UBE2F: variants seen among roughly 807,000 people sequenced by gnomAD.
The protein encoded by UBE2F is ubiquitin conjugating enzyme E2 F (putative).
UBE2F carries 5 observed loss-of-function variants against 29.6 expected under a neutral mutation model. That is an observed-to-expected ratio of 0.17 (90% CI 0.09 to 0.36). The LOEUF (loss-of-function observed/expected upper bound fraction) is 0.36, where lower values mean the gene tolerates loss of function less well. Ranked by LOEUF, UBE2F falls within the 10% of genes least tolerant of loss-of-function variation. The probability of loss-of-function intolerance (pLI) is 1.00; values close to 1 mark genes in which losing one functional copy is unlikely to be tolerated. For synonymous variants in UBE2F, 66 were observed against 81.8 expected, an observed-to-expected ratio of 0.81 and a Z score of 1.04; for missense variants, 141 against 228.5, an observed-to-expected ratio of 0.62 and a Z score of 2.47.
intron 2 of UBE2F, among the ~76,000 whole-genome samples, chr2:237,978,597 A>G (rs2063327776): frequency 6.6e-6 from 1 of 152,116 alleles, no homozygotes; most frequent in African/African-American, 2.4e-5. Context: ...CCACACCCAC[A>G]TTTCCTCAGC....
At chr2:238,011,913 C>G (rs912321967) in intron 4 of UBE2F, among the ~76,000 whole-genome samples, 2 of 152,238 alleles carry the variant, frequency 1.3e-5, no homozygotes, top group South Asian at 4.1e-4. Context: ...GGGTCTCACT[C>G]TGTTGCCCAG....
rs898528823 is a variant in UBE2F, at chr2:238,042,370, C to G, written c.*1032C>G. 2 of 152,272 alleles carry G rather than the reference C, an allele frequency of 1.3e-5. No individual in the cohort carries two copies. The highest frequency in any genetic ancestry group is 2.9e-5 in the Non-Finnish European group (2 of 68,064). The allele number at this position is 152,272 out of a possible 1,614,324, so 9.4% of individuals were successfully genotyped here. A position where few individuals can be genotyped will look rare whatever the true frequency, so the allele number is the denominator to read the frequency against. The stretch of plus-strand genomic sequence containing the variant: ...AGCCCAATGTCTGATGTCACTGAGA[C>G]TGTACCTGTGGCCTTCTTCTGAGTT... On this transcript the variant is annotated 3_prime_UTR_variant, in exon 10 of 10. Transcript: ENST00000272930.
chr2:238,001,793 C>T (rs2063799178), intron 4 of UBE2F, among the ~76,000 whole-genome samples: 2 of 151,984 alleles, frequency 1.3e-5, no homozygotes, highest in South Asian at 2.1e-4. Flanking sequence ...GCACTCCAGC[C>T]TGGGCGACAG....
intron 5 of UBE2F, among the ~76,000 whole-genome samples, chr2:238,023,783 C>T (rs2064349206): frequency 6.6e-6 from 1 of 152,066 alleles, no homozygotes; most frequent in African/African-American, 2.4e-5. Flanking sequence ...GAGAAGAGGC[C>T]CTCTCCCTTA....
chr2:237,972,428 G>A (rs769136067), intron 1 of UBE2F, among the ~76,000 whole-genome samples: 3 of 152,176 alleles, frequency 2.0e-5, no homozygotes, highest in Admixed American at 6.5e-5. Context: ...CATGCTGGTT[G>A]AGAAACTGTG....
intron 5 of UBE2F, among the ~76,000 whole-genome samples, chr2:238,018,967 T>A (rs1276181007): frequency 6.6e-6 from 1 of 152,114 alleles, no homozygotes; most frequent in African/African-American, 2.4e-5. Context: ...TGAAGACTTG[T>A]TTCCCTTATT....
intron 2 of UBE2F, among the ~76,000 whole-genome samples, chr2:237,987,343 G>C (rs1218005403): frequency 6.6e-6 from 1 of 152,050 alleles, no homozygotes; most frequent in African/African-American, 2.4e-5. Flanking sequence ...TTTCTTTCTA[G>C]TTTGGATGCC....
At chr2:238,035,149 C>G (rs558331519) in intron 8 of UBE2F, 1 of 152,564 alleles carries the variant, frequency 6.6e-6, no homozygotes, top group South Asian at 2.1e-4. Flanking sequence ...ATCTCAGCCT[C>G]TCAAAGTGCT....
intron 4 of UBE2F, among the ~76,000 whole-genome samples, chr2:238,006,913 A>T: frequency 6.6e-6 from 1 of 151,514 alleles, no homozygotes; most frequent in Non-Finnish European, 1.5e-5. Flanking sequence ...GCACCACCAC[A>T]CCCGGCTAAT....
At chr2:238,006,413 T>C (rs1045724137) in intron 4 of UBE2F, among the ~76,000 whole-genome samples, 3 of 152,196 alleles carry the variant, frequency 2.0e-5, no homozygotes, top group African/African-American at 7.2e-5. Context: ...CCATATCAAT[T>C]GTCATCTTAA....
intron 5 of UBE2F, among the ~76,000 whole-genome samples, chr2:238,022,833 C>T (rs1254384579): frequency 6.6e-6 from 1 of 152,044 alleles, no homozygotes; most frequent in Non-Finnish European, 1.5e-5. Flanking sequence ...AGCTGTGGGC[C>T]ACTGGGGTTG....
chr2:237,989,518 A>G (rs1371800625), intron 3 of UBE2F, among the ~76,000 whole-genome samples: 2 of 151,788 alleles, frequency 1.3e-5, no homozygotes, highest in Non-Finnish European at 2.9e-5. Flanking sequence ...ACGCCAGGCT[A>G]ATTTTTGTAT....
intron 6 of UBE2F, among the ~76,000 whole-genome samples, chr2:238,029,354 C>T (rs946459376): frequency 5.3e-5 from 8 of 151,878 alleles, no homozygotes; most frequent in Admixed American, 2.6e-4. Context: ...TTTGGGAGGC[C>T]GAGGCGGGCG....
intron 2 of UBE2F, among the ~76,000 whole-genome samples, chr2:237,980,740 C>T (rs182028135): frequency 6.6e-6 from 1 of 152,306 alleles, no homozygotes; most frequent in African/African-American, 2.4e-5. Flanking sequence ...ATGTGTCCCC[C>T]TTTTCCTGAG....
chr2:238,035,641 A>C (rs975820905), intron 8 of UBE2F: 1 of 467,588 alleles, frequency 2.1e-6, no homozygotes, highest in African/African-American at 1.9e-5. Flanking sequence ...TTGTAGAACT[A>C]CATGTCAACA....
rs1323078501 is a variant in UBE2F at position 238,042,690 on chromosome 2, C to T, written c.*1352C>T. ...CATCTACTGGGTTTAGTTTGTTTTT[C>T]TTAATTTATAGAATCTCTGATTGTG... On this transcript the variant is annotated 3_prime_UTR_variant, in exon 10 of 10. Coordinates refer to ENST00000272930, the MANE Select transcript of UBE2F (RefSeq NM_080678.3). The T allele has an allele frequency of 6.6e-6, 1 of 152,214 alleles. No individual in the cohort carries two copies. The highest frequency in any genetic ancestry group is 1.5e-5 in the Non-Finnish European group (1 of 68,062). 9.4% of individuals were successfully genotyped at this position (152,214 alleles called of 1,614,324 possible).
At chr2:237,991,609 C>CTTTTTTT (rs774476848) in intron 3 of UBE2F, among the ~76,000 whole-genome samples, 2 of 53,054 alleles carry the variant, frequency 3.8e-5, no homozygotes, top group African/African-American at 1.4e-4. Context: ...TTCTTTCTTT[C>CTTTTTTT]TTTTTTTTTT....
At chr2:238,016,725 C>T (rs559964939) in intron 5 of UBE2F, 92 bp downstream of exon 5, 16 of 1,036,438 alleles carry the variant, frequency 1.5e-5, no homozygotes, top group Non-Finnish European at 2.3e-5. Context: ...CTAGCACTCC[C>T]CTCTGCGTGT....
intron 4 of UBE2F, among the ~76,000 whole-genome samples, chr2:238,002,710 C>T (rs1045153423): frequency 1.4e-4 from 22 of 152,190 alleles, no homozygotes; most frequent in Non-Finnish European, 5.9e-5. Flanking sequence ...CTCCTGGGTT[C>T]AAGCGATTCT....
Sources: allele counts gnomAD v4.1 joint callset (sites outside exome capture counted in the v4.1 genomes callset), GRCh38; gene constraint gnomAD v4.1.1; transcripts MANE v1.5; gene names NCBI Gene and HGNC (gene_info 2026-07-23, HGNC 2026-07-21).